CFAP74: variants seen among roughly 807,000 people sequenced by gnomAD.
The protein encoded by CFAP74 is cilia and flagella associated protein 74.
A neutral mutation model predicts 188.9 loss-of-function variants in CFAP74; 124 were observed. The ratio of observed to expected loss-of-function variants is 0.66; its 90% CI spans 0.57 to 0.76. The LOEUF is 0.76. CFAP74 is among the 30% of genes least tolerant of loss of function. CFAP74 has a pLI of 0.00. For missense variants in CFAP74, 2,198 were observed against 2,165.2 expected, an observed-to-expected ratio of 1.02 and a Z score of -0.30; for synonymous variants, 956 against 916.7, an observed-to-expected ratio of 1.04 and a Z score of -0.77.
chr1:1,947,678 G>A (rs1447174378), intron 18 of CFAP74, among the ~76,000 whole-genome samples: 5 of 152,218 alleles, frequency 3.3e-5, no homozygotes, highest in Non-Finnish European at 7.3e-5. Context: ...GGCCTCTGTC[G>A]TGCTGCCCGG....
At position 1,972,031 on chromosome 1, in the gene CFAP74, C is replaced by T. The variant is rs144786593; in HGVS notation, c.837G>A (p.Arg279=). The T allele has an allele frequency of 1.8e-4, 284 of 1,613,048 alleles. 4 individuals are homozygous for T. The East Asian group carries it at 6.0e-3, about 34-fold the overall frequency. The change falls in exon 9 of 39, where the codon AGG becomes AGA. Residue 279 remains arginine (R), a synonymous_variant. Coordinates refer to ENST00000682832, the MANE Select transcript of CFAP74 (RefSeq NM_001304360.2). ...GCGCCACCACCGCATCCATGCGTCG[C>T]CTCATGTACTCGTGGCACTCCATCT... ...KEEMECHEYM[R]RRMDAVVALK... is the part of the protein sequence containing the mutation.
intron 25 of CFAP74, among the ~76,000 whole-genome samples, chr1:1,938,098 T>C (rs1202738313): frequency 3.8e-5 from 5 of 132,104 alleles, no homozygotes; most frequent in Admixed American, 1.5e-4. Flanking sequence ...CACTCAACCT[T>C]ACACACCCAC....
intron 8 of CFAP74, among the ~76,000 whole-genome samples, chr1:1,972,436 A>C (rs1395681184): frequency 6.6e-6 from 1 of 152,284 alleles, no homozygotes; most frequent in East Asian, 1.9e-4. Flanking sequence ...CCAGGCCACG[A>C]GGACATGGCG....
chr1:1,987,070 C>T, intron 4 of CFAP74, 35 bp from the exon 5 acceptor site: 2 of 1,543,702 alleles, frequency 1.3e-6, no homozygotes, highest in Non-Finnish European at 1.8e-6. Context: ...ATGATGGTTC[C>T]CTGAAACTCC....
intron 6 of CFAP74, among the ~76,000 whole-genome samples, chr1:1,974,475 G>A (rs570368335): frequency 1.3e-5 from 2 of 152,132 alleles, no homozygotes; most frequent in African/African-American, 2.4e-5. Context: ...GGCTGTGTCC[G>A]TTGGCTGCGG....
At chr1:1,929,783 G>A (rs11485871) in intron 26 of CFAP74, among the ~76,000 whole-genome samples, 2,013 of 152,036 alleles carry the variant, frequency 0.013, 40 homozygotes, top group African/African-American at 0.043. Context: ...GATGGGTTCC[G>A]GCCAGGCCAG....
chr1:1,939,583 G>A lies in CFAP74; in HGVS notation c.2877+11C>T, dbSNP rs1653218117. ...CACCCCTCTTACCCCAGGCCTGGCT[G>A]CAGGAGGTACCTTGGGAAGCCTGAC... On this transcript the variant is annotated intron_variant, in intron 24 of 38. Coordinates refer to ENST00000682832, the MANE Select transcript of CFAP74 (RefSeq NM_001304360.2). The A allele has an allele frequency of 1.3e-6, 2 of 1,533,540 alleles. No homozygotes were observed. Among genetic ancestry groups the A allele is most frequent in the Non-Finnish European group, 1.7e-6 (2 of 1,144,886 alleles). 95.0% of individuals were successfully genotyped at this position (1,533,540 alleles called of 1,614,324 possible).
chr1:1,944,405 C>A lies in CFAP74; in HGVS notation c.2412G>T (p.Val804=). The change falls in exon 21 of 39, where the codon GTG becomes GTT. Residue 804 remains valine (V), a synonymous_variant. Coordinates refer to ENST00000682832, the MANE Select transcript of CFAP74 (RefSeq NM_001304360.2). ...TCTTCAGGTCCACGCTGGGCTTCGG[C>A]ACCCAGACCGGCACATCGATGGCCA... is the stretch of plus-strand genomic sequence containing the variant. ...VGVAIDVPVW[V]PKPSVDLKIC... The A allele has an allele frequency of 1.3e-6, 2 of 1,536,124 alleles. No individual in the cohort carries two copies. Among genetic ancestry groups the A allele is most frequent in the Non-Finnish European group, 1.7e-6 (2 of 1,146,894 alleles).
At position 1,994,328 on chromosome 1, in the gene CFAP74, CTG is replaced by C. The variant is rs751398167; in HGVS notation, c.-19-3355_-19-3354del. The stretch of plus-strand genomic sequence containing the variant: ...TGACATTATGTATGAGATGCTAAAA[CTG>C]TAAAATTGTAGAGGACTGTGTTTCA... On this transcript the variant is annotated intron_variant, in intron 1 of 38. Coordinates refer to ENST00000682832, the MANE Select transcript of CFAP74 (RefSeq NM_001304360.2). 2.0e-5 allele frequency among the ~76,000 whole-genome samples: 3 copies of C among 152,130 alleles called. No individual in the cohort carries two copies. In the East Asian group the frequency reaches 5.8e-4, roughly 29 times the overall value.
rs767548911 is a variant in CFAP74 at position 1,990,897 on chromosome 1, CA to C, written c.59del (p.Leu20TrpfsTer8). 6.2e-7 allele frequency: 1 copy of C among 1,611,880 alleles called. No individual in the cohort carries two copies. The highest frequency in any genetic ancestry group is 1.1e-5 in the South Asian group (1 of 90,292). ...EDELLADALL[L>X]EDERDELEDP... ...TGAAAGAAGCTTTATTACCATCTTC[CA>C]AAAGAAGGGCATCGGCCAAAAGCTC... On this transcript the variant is annotated frameshift_variant, in exon 2 of 39. Transcript: ENST00000682832. LOFTEE classifies it high-confidence loss of function.
intron 4 of CFAP74, 59 bp downstream of exon 4, chr1:1,988,453 A>G: frequency 6.3e-7 from 1 of 1,595,594 alleles, no homozygotes; most frequent in African/African-American, 1.3e-5. Flanking sequence ...TGCTGCACCC[A>G]TGTCACGGCC....
At chr1:1,935,895 AG>A (rs1186336279) in intron 25 of CFAP74, among the ~76,000 whole-genome samples, 2 of 148,174 alleles carry the variant, frequency 1.3e-5, no homozygotes, top group Non-Finnish European at 2.9e-5. Flanking sequence ...CACGAACTGC[AG>A]GGGGCTCTGG....
At chr1:1,990,375 A>G (rs1657496459) in intron 2 of CFAP74, among the ~76,000 whole-genome samples, 1 of 109,922 alleles carries the variant, frequency 9.1e-6, no homozygotes. Context: ...GGGGCGGGAG[A>G]GGGAGACAGT....
chr1:1,965,617 T>TGCCCGGCA lies in CFAP74; in HGVS notation c.1402-564_1402-557dup, dbSNP rs542817571. ...TGTGGGCTGTCCCTGCTGGTGCCCA[T>TGCCCGGCA]GCCCGGCAGCCGGGCAGCCTCCTCC... On this transcript the variant is annotated intron_variant, in intron 12 of 38. Transcript: ENST00000682832. Among the ~76,000 whole-genome samples, 841 of 152,074 alleles carry TGCCCGGCA rather than the reference T, an allele frequency of 5.5e-3. 6 individuals carry two copies. The highest frequency in any genetic ancestry group is 7.3e-3 in the Non-Finnish European group (496 of 67,976).
At chr1:1,983,136 C>A (rs1045309205) in intron 6 of CFAP74, among the ~76,000 whole-genome samples, 1 of 152,096 alleles carries the variant, frequency 6.6e-6, no homozygotes, top group Admixed American at 6.5e-5. Context: ...AGAGCGATCA[C>A]GGAGGGGGAA....
intron 27 of CFAP74, 37 bp downstream of exon 27, chr1:1,928,747 C>G (rs575243778): frequency 6.8e-7 from 1 of 1,481,016 alleles, no homozygotes; most frequent in Non-Finnish European, 9.1e-7. Flanking sequence ...ACAGGCCCTT[C>G]CCCGACCTAC....
chr1:1,988,147 G>C (rs761056597), intron 4 of CFAP74: 5 of 486,440 alleles, frequency 1.0e-5, no homozygotes, highest in Non-Finnish European at 2.1e-5. Flanking sequence ...AAATATTTAG[G>C]AGTGACGTAT....
At chr1:1,954,392 T>C (rs1570901321) in intron 18 of CFAP74, 1 of 152,400 alleles carries the variant, frequency 6.6e-6, no homozygotes. Flanking sequence ...TGGATCAATT[T>C]AAGTTTAAAT....
At chr1:1,999,756 G>A (rs13303031) in intron 1 of CFAP74, among the ~76,000 whole-genome samples, 1 of 151,928 alleles carries the variant, frequency 6.6e-6, no homozygotes, top group African/African-American at 2.4e-5. Flanking sequence ...GGAGGAGGTT[G>A]CAGTGAGCCA....
Sources: gnomAD v4.1 joint callset for allele counts (sites outside exome capture counted in the v4.1 genomes callset) on GRCh38, gnomAD v4.1.1 for gene constraint, MANE v1.5 for transcripts, NCBI Gene and HGNC (gene_info 2026-07-23, HGNC 2026-07-21) for gene names.